WASL: variants seen among roughly 807,000 people sequenced by gnomAD.
The protein encoded by WASL is WASP like actin nucleation promoting factor, also known as actin nucleation-promoting factor WASL.
WASL carries 20 observed loss-of-function variants against 55.5 expected under a neutral mutation model. The ratio of observed to expected loss-of-function variants is 0.36; its 90% CI spans 0.25 to 0.52. The LOEUF (loss-of-function observed/expected upper bound fraction) is 0.52, where lower values mean the gene tolerates loss of function less well. WASL is among the 20% of genes least tolerant of loss of function. The pLI is 0.92. For synonymous variants in WASL, 249 were observed against 217.6 expected, an observed-to-expected ratio of 1.14 and a Z score of -1.27; for missense variants, 504 against 622.5, an observed-to-expected ratio of 0.81 and a Z score of 2.03.
chr7:123,712,695 G>A (rs1156657955), intron 1 of WASL, among the ~76,000 whole-genome samples: 2 of 152,086 alleles, frequency 1.3e-5, no homozygotes, highest in Non-Finnish European at 2.9e-5. Context: ...CAGCAATCTT[G>A]AGAAGGTGGT....
chr7:123,705,120 G>C (rs2116785459), intron 4 of WASL, among the ~76,000 whole-genome samples: 1 of 152,314 alleles, frequency 6.6e-6, no homozygotes, highest in South Asian at 2.1e-4. Flanking sequence ...GCAGCAGGAA[G>C]ACCAGTCAGA....
At chr7:123,732,229 C>A (rs1804151740) in intron 1 of WASL, among the ~76,000 whole-genome samples, 1 of 152,110 alleles carries the variant, frequency 6.6e-6, no homozygotes, top group African/African-American at 2.4e-5. Context: ...ACTCAGAAGG[C>A]TGAGGCAGGA....
At chr7:123,743,901 T>C (rs1187196605) in intron 1 of WASL, among the ~76,000 whole-genome samples, 1 of 152,282 alleles carries the variant, frequency 6.6e-6, no homozygotes, top group African/African-American at 2.4e-5. Context: ...GAATCTCTTC[T>C]TGTGCTTACA....
chr7:123,728,275 AG>A (rs375272477), intron 1 of WASL, among the ~76,000 whole-genome samples: 16 of 152,370 alleles, frequency 1.1e-4, no homozygotes, highest in Admixed American at 6.5e-4. Context: ...TCATTATAAA[AG>A]GTACAGATTA....
At chr7:123,700,435 CTACTT>C (rs1295656008) in intron 5 of WASL, among the ~76,000 whole-genome samples, 3 of 111,822 alleles carry the variant, frequency 2.7e-5, no homozygotes, top group African/African-American at 1.1e-4. Flanking sequence ...TTCCAATTAA[CTACTT>C]TACCTCTTTT....
rs138059070 is a variant in WASL at position 123,727,429 on chromosome 7, G to A, written c.118-18206C>T. Among the ~76,000 whole-genome samples the A allele has an allele frequency of 2.1e-4, 32 of 150,452 alleles. No individual in the cohort carries two copies. The East Asian group carries it at 2.7e-3, about 13-fold the overall frequency. Reference sequence around the variant, plus strand: ...AGCCTTATTCATAATAGTCAAAAACGGGAAACTCAAATATCCATTAACAGA... The same window carrying A: ...AGCCTTATTCATAATAGTCAAAAACAGGAAACTCAAATATCCATTAACAGA... On this transcript the variant is annotated intron_variant, in intron 1 of 10. Transcript: ENST00000223023.
At chr7:123,710,881 T>C (rs767649951) in intron 1 of WASL, among the ~76,000 whole-genome samples, 1 of 152,198 alleles carries the variant, frequency 6.6e-6, no homozygotes, top group African/African-American at 2.4e-5. Flanking sequence ...CTGCCAGCAC[T>C]GAAAACTTCA....
At chr7:123,718,214 T>C (rs973530282) in intron 1 of WASL, among the ~76,000 whole-genome samples, 7 of 152,328 alleles carry the variant, frequency 4.6e-5, no homozygotes, top group African/African-American at 1.7e-4. Context: ...CATTCACTTT[T>C]AGACTTAATT....
rs373904257 is a variant in WASL, at chr7:123,748,725, C to T, written c.10G>A (p.Val4Ile). 4 of 1,590,170 alleles carry T rather than the reference C, an allele frequency of 2.5e-6. No individual in the cohort carries two copies. The African/African-American group carries it at 5.5e-5, about 22-fold the overall frequency. Reference protein sequence around the residue: MSSVQQQPPPPRRV... With the variant: MSSIQQQPPPPRRV... The stretch of plus-strand genomic sequence containing the variant: ...CGCGGCGGCGGCGGCTGCTGCTGGA[C>T]GGAGCTCATGGTTTCGCCGGCGGGG... The change falls in exon 1 of 11, where the codon GTC becomes ATC. Residue 4 changes from valine to isoleucine, a missense_variant. By Grantham distance (29) the Val-to-Ile change is conservative (BLOSUM62 3). Transcript: ENST00000223023.
intron 1 of WASL, among the ~76,000 whole-genome samples, chr7:123,745,726 A>C (rs530980835): frequency 1.3e-5 from 2 of 152,064 alleles, no homozygotes; most frequent in Non-Finnish European, 2.9e-5. Flanking sequence ...CATTTCTCAT[A>C]ATCTCCACAA....
At chr7:123,726,569 C>T (rs1039256720) in intron 1 of WASL, among the ~76,000 whole-genome samples, 4 of 152,050 alleles carry the variant, frequency 2.6e-5, no homozygotes, top group Non-Finnish European at 1.5e-5. Flanking sequence ...CAAAAAACAT[C>T]ATTAAAAATT....
rs1803672256 is a variant in WASL at position 123,706,497 on chromosome 7, GACA to G, written c.340-127_340-125del. On this transcript the variant is annotated intron_variant, in intron 3 of 10. Coordinates refer to ENST00000223023, the MANE Select transcript of WASL (RefSeq NM_003941.4). ...AAAGGTTAATTTTACTAGCAGATAA[GACA>G]TTATTTTATGATCTGAATAACTTAA... The G allele has an allele frequency of 3.2e-6, 3 of 933,746 alleles. No homozygotes were observed. The South Asian group carries it at 5.1e-5, about 16-fold the overall frequency. 57.8% of individuals were successfully genotyped at this position (933,746 alleles called of 1,614,324 possible). A position where few individuals can be genotyped will look rare whatever the true frequency, so the allele number is the denominator to read the frequency against.
At chr7:123,730,442 G>A (rs1017906590) in intron 1 of WASL, among the ~76,000 whole-genome samples, 3 of 152,064 alleles carry the variant, frequency 2.0e-5, no homozygotes, top group Admixed American at 6.6e-5. Flanking sequence ...GGAATATTGT[G>A]TTCTAAAGTA....
rs752508448 is a variant in WASL, at chr7:123,748,700, C to CGCGGCG, written c.29_34dup (p.Pro10_Pro11dup). On this transcript the variant is annotated inframe_insertion, in exon 1 of 11. Transcript: ENST00000223023. ...CAGGGACCCCACGTTGGTGACCCTC[C>CGCGGCG]GCGGCGGCGGCGGCTGCTGCTGGAC... The CGCGGCG allele has an allele frequency of 2.5e-6, 4 of 1,600,060 alleles. No individual in the cohort carries two copies. The highest frequency in any genetic ancestry group is 3.4e-6 in the Non-Finnish European group (4 of 1,172,244).
intron 5 of WASL, among the ~76,000 whole-genome samples, chr7:123,698,636 G>C (rs1453620292): frequency 6.6e-6 from 1 of 152,046 alleles, no homozygotes; most frequent in East Asian, 1.9e-4. Context: ...ATAAGAAATA[G>C]TTTTTGGGAA....
intron 1 of WASL, among the ~76,000 whole-genome samples, chr7:123,732,757 T>C (rs1804160638): frequency 6.6e-6 from 1 of 152,146 alleles, no homozygotes; most frequent in South Asian, 2.1e-4. Flanking sequence ...TGCAAACCAC[T>C]ATCTCTCATG....
intron 1 of WASL, among the ~76,000 whole-genome samples, chr7:123,717,141 G>A (rs1803859112): frequency 6.6e-6 from 1 of 152,120 alleles, no homozygotes; most frequent in Non-Finnish European, 1.5e-5. Flanking sequence ...TGGCAGGGAG[G>A]GAGAGTTTGT....
At chr7:123,738,436 C>T (rs529517351) in intron 1 of WASL, among the ~76,000 whole-genome samples, 14 of 152,148 alleles carry the variant, frequency 9.2e-5, no homozygotes, top group Non-Finnish European at 1.8e-4. Flanking sequence ...GACACCTTCA[C>T]AGATCTAATC....
chr7:123,713,815 T>C (rs546500060), intron 1 of WASL, among the ~76,000 whole-genome samples: 2 of 152,328 alleles, frequency 1.3e-5, no homozygotes, highest in South Asian at 4.1e-4. Context: ...CTTCACTAAA[T>C]ACAGTCAGGA....
Sources: gnomAD v4.1 joint callset for allele counts (sites outside exome capture counted in the v4.1 genomes callset) on GRCh38, gnomAD v4.1.1 for gene constraint, MANE v1.5 for transcripts, NCBI Gene and HGNC (gene_info 2026-07-23, HGNC 2026-07-21) for gene names.